RARB: variants seen among roughly 807,000 people sequenced by gnomAD.
The protein encoded by RARB is HBV-activated protein.
Under a neutral mutation model 51.9 loss-of-function variants are expected in RARB, and 17 were observed. The observed-to-expected ratio is 0.33, with a 90% CI of 0.22 to 0.49. RARB has a LOEUF of 0.49. Among genes scored for constraint, RARB ranks in the 20% least tolerant of loss-of-function variants. The pLI is 0.99. For missense variants in RARB, 369 were observed against 550.8 expected (o/e 0.67, Z 3.30); for synonymous variants, 215 against 195.4 (o/e 1.10, Z -0.84).
In RARB at chr3:25,245,817, A is replaced by T. The variant is rs112904305; in HGVS notation, c.178+71242A>T. On this transcript the variant is annotated intron_variant, in intron 5 of 11. Coordinates refer to the RARB transcript ENST00000383772. ...TCTTCTCGAGGAGATACTCTTGAGG[A>T]GTATCTTTATGGTGTTCTCTGTATT... 2.4e-3 allele frequency among the ~76,000 whole-genome samples: 368 copies of T among 151,958 alleles called. 2 individuals are homozygous for T. Among genetic ancestry groups the T allele is most frequent in the African/African-American group, 8.5e-3 (351 of 41,404 alleles).
At chr3:25,456,678 T>TAGAGAG (rs1258830394) in intron 1 of RARB, among the ~76,000 whole-genome samples, 105 of 110,260 alleles carry the variant, frequency 9.5e-4, no homozygotes, top group Middle Eastern at 5.1e-3. Flanking sequence ...TATATATATA[T>TAGAGAG]ATATAGAGAG....
At chr3:25,483,979 T>C (rs1213537628) in intron 2 of RARB, among the ~76,000 whole-genome samples, 2 of 152,236 alleles carry the variant, frequency 1.3e-5, no homozygotes, top group African/African-American at 4.8e-5. Flanking sequence ...TTAATTCAAT[T>C]GCAGATGGTA....
chr3:24,908,061 C>A (rs138663922), intron 2 of RARB, among the ~76,000 whole-genome samples: 1 of 152,044 alleles, frequency 6.6e-6, no homozygotes, highest in African/African-American at 2.4e-5. Flanking sequence ...AGAGGTATTC[C>A]TTTCCTGTTC....
chr3:24,994,198 C>G (rs1696973932), intron 2 of RARB, among the ~76,000 whole-genome samples: 1 of 152,122 alleles, frequency 6.6e-6, no homozygotes, highest in Admixed American at 6.6e-5. Context: ...AATAGCCATT[C>G]TAACTAGGGT....
At chr3:25,376,643 C>G (rs1706469085) in intron 5 of RARB, among the ~76,000 whole-genome samples, 1 of 152,200 alleles carries the variant, frequency 6.6e-6, no homozygotes, top group South Asian at 2.1e-4. Context: ...AGTCAGTAAA[C>G]CACACTGTTT....
At chr3:25,083,637 G>A (rs1449856894) in intron 3 of RARB, among the ~76,000 whole-genome samples, 1 of 151,940 alleles carries the variant, frequency 6.6e-6, no homozygotes, top group South Asian at 2.1e-4. Context: ...CTGGGTTTCT[G>A]TATTCTGTTT....
At chr3:24,926,402 G>A (rs2125390496) in intron 2 of RARB, among the ~76,000 whole-genome samples, 2 of 152,170 alleles carry the variant, frequency 1.3e-5, no homozygotes, top group South Asian at 4.1e-4. Context: ...AATACAAATG[G>A]CAACAGTTTT....
At chr3:25,005,693 A>G (rs1697256253) in intron 2 of RARB, among the ~76,000 whole-genome samples, 1 of 152,162 alleles carries the variant, frequency 6.6e-6, no homozygotes, top group South Asian at 2.1e-4. Context: ...GGAGGGGACT[A>G]CACAAGAGTA....
rs781682829 is a variant in RARB, at chr3:24,984,550, G to A, written c.-379-75575G>A. Among the ~76,000 whole-genome samples, 119 of 152,152 alleles carry A rather than the reference G, an allele frequency of 7.8e-4. 2 individuals carry two copies. Among genetic ancestry groups the A allele is most frequent in the South Asian group, 2.5e-3 (12 of 4,806 alleles). ...ACTTATATGTGGGATCTAAAAAACC[G>A]AATACACAGAGAGTAGAAGTTACCA... On this transcript the variant is annotated intron_variant, in intron 2 of 11. Coordinates refer to the RARB transcript ENST00000383772.
intron 2 of RARB, among the ~76,000 whole-genome samples, chr3:24,872,853 C>T (rs1702973446): frequency 6.6e-6 from 1 of 152,170 alleles, no homozygotes; most frequent in Non-Finnish European, 1.5e-5. Context: ...ATATTACAGA[C>T]TTAACACACA....
At chr3:25,280,187 A>G (rs1703486933) in intron 5 of RARB, among the ~76,000 whole-genome samples, 2 of 152,190 alleles carry the variant, frequency 1.3e-5, no homozygotes, top group African/African-American at 4.8e-5. Context: ...TGATTGGAGG[A>G]CAAGAGGGTA....
chr3:25,114,742 C>A (rs1170235303), intron 3 of RARB, among the ~76,000 whole-genome samples: 1 of 152,194 alleles, frequency 6.6e-6, no homozygotes, highest in Non-Finnish European at 1.5e-5. Flanking sequence ...GGAACACCTT[C>A]TGTTGACACC....
At chr3:25,554,192 C>T (rs147468397) in intron 3 of RARB, among the ~76,000 whole-genome samples, 139 of 149,080 alleles carry the variant, frequency 9.3e-4, no homozygotes, top group African/African-American at 3.3e-3. Flanking sequence ...CACTGCTGTG[C>T]AGAAAATAAC....
At chr3:24,923,212 AT>A in intron 2 of RARB, among the ~76,000 whole-genome samples, 1 of 152,276 alleles carries the variant, frequency 6.6e-6, no homozygotes, top group Non-Finnish European at 1.5e-5. Context: ...ATATAGTTTA[AT>A]TCTAGCAATA....
Position 25,569,854 on chromosome 3 carries a change from A to G in RARB, c.545A>G (p.Glu182Gly), listed in dbSNP as rs1044203022. Residue 182 changes from glutamate (E) to glycine (G), a missense_variant, in exon 4 of 8, where the codon GAG becomes GGG. By Grantham distance (98) the Glu-to-Gly change is moderately conservative. Transcript: ENST00000330688. Reference protein sequence around the residue: ...EMTAELDDLTEKIRKAHQETF... With the variant: ...EMTAELDDLTGKIRKAHQETF... ...ACAGCTGAGTTGGACGATCTCACAG[A>G]GAAGATCCGAAAAGCTCACCAGGAA... 5.6e-6 allele frequency: 9 copies of G among 1,614,116 alleles called. No individual in the cohort carries two copies. In the African/African-American group the frequency reaches 1.1e-4, roughly 19 times the overall value.
intron 4 of RARB, among the ~76,000 whole-genome samples, chr3:25,163,232 G>C (rs1479042809): frequency 6.6e-6 from 1 of 152,052 alleles, no homozygotes; most frequent in Non-Finnish European, 1.5e-5. Flanking sequence ...TTTGTGGTGT[G>C]GTGGCTCACG....
intron 5 of RARB, among the ~76,000 whole-genome samples, chr3:25,264,671 A>T (rs1703083992): frequency 6.6e-6 from 1 of 152,202 alleles, no homozygotes; most frequent in Non-Finnish European, 1.5e-5. Flanking sequence ...TTATGGTAGA[A>T]ATTGGCATTT....
intron 3 of RARB, among the ~76,000 whole-genome samples, chr3:25,080,289 T>C (rs1334586048): frequency 1.3e-5 from 2 of 152,252 alleles, no homozygotes; most frequent in Non-Finnish European, 1.5e-5. Flanking sequence ...ATGAGTAATA[T>C]TAAATTATCT....
chr3:24,876,374 T>A (rs187293943), intron 2 of RARB, among the ~76,000 whole-genome samples: 23 of 152,236 alleles, frequency 1.5e-4, no homozygotes, highest in East Asian at 9.6e-4. Flanking sequence ...CTATATTAAT[T>A]CACATTTTTT....
Sources: gnomAD v4.1 joint callset for allele counts (sites outside exome capture counted in the v4.1 genomes callset) on GRCh38, gnomAD v4.1.1 for gene constraint, MANE v1.5 for transcripts, NCBI Gene and HGNC (gene_info 2026-07-23, HGNC 2026-07-21) for gene names.